The following TERB1 variants were observed in gnomAD, a reference collection of about 807,000 sequenced individuals.
TERB1 encodes the protein telomere repeat binding bouquet formation protein 1.
In TERB1, 63 loss-of-function variants were observed where a neutral mutation model predicts 92.3. The observed-to-expected ratio is 0.68, with a 90% confidence interval of 0.56 to 0.84. The LOEUF is 0.84. Among genes scored for constraint, TERB1 ranks in the 40% least tolerant of loss-of-function variants. The pLI, the probability that TERB1 is intolerant of heterozygous loss-of-function variation, is 0.00. For missense variants in TERB1, 709 were observed against 843.7 expected, an observed-to-expected ratio of 0.84 and a Z score of 1.98; for synonymous variants, 252 against 283.9, an observed-to-expected ratio of 0.89 and a Z score of 1.13.
intron 3 of TERB1, among the ~76,000 whole-genome samples, chr16:66,793,307 C>T (rs1048127181): frequency 6.7e-6 from 1 of 149,648 alleles, no homozygotes; most frequent in Non-Finnish European, 1.5e-5. Context: ...ACCTCTGCCT[C>T]CTAGGTTCAA....
chr16:66,784,748 ATT>A (rs34949570), intron 9 of TERB1, among the ~76,000 whole-genome samples: 2,810 of 117,674 alleles, frequency 0.024, 40 homozygotes, highest in South Asian at 0.1. Flanking sequence ...TTAATTTTTA[ATT>A]TTTTTTTTTT....
At chr16:66,769,588 T>C (rs1433543389) in intron 14 of TERB1, among the ~76,000 whole-genome samples, 5 of 152,174 alleles carry the variant, frequency 3.3e-5, no homozygotes, top group Non-Finnish European at 5.9e-5. Flanking sequence ...TTAAAAACAG[T>C]TTTTGCTATA....
chr16:66,755,242 G>A, intron 18 of TERB1, 79 bp from the exon 19 acceptor site: 1 of 843,360 alleles, frequency 1.2e-6, no homozygotes, highest in Non-Finnish European at 1.9e-6. Context: ...ATTTGGATAT[G>A]CTTAACTTAT....
intron 9 of TERB1, among the ~76,000 whole-genome samples, chr16:66,780,755 C>T (rs2018622471): frequency 6.6e-6 from 1 of 152,130 alleles, no homozygotes; most frequent in Non-Finnish European, 1.5e-5. Context: ...AGGGTAATGA[C>T]GTCCTATAAC....
chr16:66,759,215 T>C lies in TERB1; in HGVS notation c.1856A>G (p.Asp619Gly). Residue 619 changes from aspartate to glycine, a missense_variant, in exon 17 of 19, where the codon GAT (aspartate) becomes GGT (glycine). By Grantham distance (94) the Asp-to-Gly change is moderately conservative (BLOSUM62 -1). Transcript: ENST00000433154. The part of the protein sequence containing the change: ...KLLHSCPYQC[D>G]RHKVIVEAED... Reference sequence around the variant, plus strand: ...AGCTTCCACAATGACTTTGTGACGATCACATTGGTATGGGCAAGAGTGCAA... The same window carrying C: ...AGCTTCCACAATGACTTTGTGACGACCACATTGGTATGGGCAAGAGTGCAA... The C allele has an allele frequency of 6.4e-7, 1 of 1,551,202 alleles. No individual in the cohort carries two copies. Among genetic ancestry groups the C allele is most frequent in the Non-Finnish European group, 8.7e-7 (1 of 1,146,822 alleles).
At chr16:66,781,109 T>C (rs891297076) in intron 9 of TERB1, among the ~76,000 whole-genome samples, 21 of 152,330 alleles carry the variant, frequency 1.4e-4, no homozygotes, top group South Asian at 1.0e-3. Context: ...TGGAGTGCAG[T>C]AGCGTGATCG....
In TERB1 at chr16:66,769,115, GAAAAAGAAAAAGA is replaced by G. The variant is rs747827149; in HGVS notation, c.1619+835_1619+847del. On this transcript the variant is annotated intron_variant, in intron 14 of 18. Transcript: ENST00000433154. ...AGCGAAACTTTCTCAAAAAAAAAAA[GAAAAAGAAAAAGA>G]AAAAAGAAAAAGAAATATGGCTAAC... Among the ~76,000 whole-genome samples, 16 of 149,496 alleles carry G rather than the reference GAAAAAGAAAAAGA, an allele frequency of 1.1e-4. No individual in the cohort carries two copies. In the East Asian group the frequency reaches 2.4e-3, roughly 22 times the overall value.
At chr16:66,781,705 A>G (rs1264749995) in intron 9 of TERB1, among the ~76,000 whole-genome samples, 1 of 151,822 alleles carries the variant, frequency 6.6e-6, no homozygotes, top group Non-Finnish European at 1.5e-5. Context: ...TATTTTTAGG[A>G]GAGACGGGGT....
chr16:66,759,415 C>T (rs542220515), intron 16 of TERB1, 125 bp from the exon 17 acceptor site: 1 of 713,444 alleles, frequency 1.4e-6, no homozygotes, highest in South Asian at 2.2e-5. Context: ...CCTCAAGAAG[C>T]TCAAAATCAT....
At chr16:66,784,465 G>A (rs988066074) in intron 9 of TERB1, among the ~76,000 whole-genome samples, 7 of 151,480 alleles carry the variant, frequency 4.6e-5, no homozygotes, top group East Asian at 3.9e-4. Context: ...CCGAGTAGCC[G>A]GGATTACATG....
chr16:66,756,306 C>T (rs972471548), intron 18 of TERB1, among the ~76,000 whole-genome samples: 3 of 152,158 alleles, frequency 2.0e-5, no homozygotes, highest in African/African-American at 7.2e-5. Context: ...ACAGTTCAGA[C>T]CTTTTAAAAC....
intron 16 of TERB1, among the ~76,000 whole-genome samples, chr16:66,761,451 CAAA>C (rs376145995): frequency 9.3e-6 from 1 of 107,182 alleles, no homozygotes; most frequent in Admixed American, 1.1e-4. Context: ...GACTCTGTCT[CAAA>C]AAAAAAAAAA....
chr16:66,755,192 T>G, intron 18 of TERB1, 29 bp from the exon 19 acceptor site: 1 of 1,375,062 alleles, frequency 7.3e-7, no homozygotes, highest in South Asian at 1.3e-5. Flanking sequence ...AATATATTAG[T>G]ATTTGCTGAA....
At chr16:66,784,660 T>C (rs1048559602) in intron 9 of TERB1, among the ~76,000 whole-genome samples, 12 of 151,772 alleles carry the variant, frequency 7.9e-5, no homozygotes, top group African/African-American at 1.2e-4. Flanking sequence ...ACTTGAGACC[T>C]TTCTTCTTTT....
Position 66,788,248 on chromosome 16 carries a change from A to C in TERB1, c.321T>G (p.Thr107=). ...LCTSELFEDL[T]WFLSNDSNIN... ...TGTTTGAATCATTAGATAAGAACCA[A>C]GTTAAGTCTTCAAACAACTCTGAAG... is the stretch of plus-strand genomic sequence containing the variant. Residue 107 remains threonine (T), a synonymous_variant, in exon 6 of 19, where the codon ACT becomes ACG. Coordinates refer to ENST00000433154, the MANE Select transcript of TERB1 (RefSeq NM_001136505.2). 1 of 1,513,152 alleles carries C rather than the reference A, an allele frequency of 6.6e-7. No individual in the cohort carries two copies. The highest frequency in any genetic ancestry group is 2.4e-5 in the Admixed American group (1 of 42,266). The allele number at this position is 1,513,152 out of a possible 1,614,324, so 93.7% of individuals were successfully genotyped here. A position where few individuals can be genotyped will look rare whatever the true frequency, so the allele number is the denominator to read the frequency against.
intron 18 of TERB1, among the ~76,000 whole-genome samples, chr16:66,755,919 G>A (rs1197857287): frequency 6.6e-6 from 1 of 152,078 alleles, no homozygotes; most frequent in African/African-American, 2.4e-5. Flanking sequence ...AAGAATAAGG[G>A]TCTTTTGAAA....
rs186504387 is a variant in TERB1 at position 66,758,905 on chromosome 16, T to A, written c.1931-67A>T. 36 of 1,090,318 alleles carry A rather than the reference T, an allele frequency of 3.3e-5. No homozygotes were observed. In the African/African-American group the frequency reaches 3.3e-4, roughly 10 times the overall value. The allele number at this position is 1,090,318 out of a possible 1,614,324, so 67.5% of individuals were successfully genotyped here. On this transcript the variant is annotated intron_variant, in intron 17 of 18. Coordinates refer to ENST00000433154, the MANE Select transcript of TERB1 (RefSeq NM_001136505.2). ...TCTGAGTAATAGCATATCAATTCCA[T>A]TAGTATATTTCCTTTATTCCCCCGT...
intron 6 of TERB1, among the ~76,000 whole-genome samples, chr16:66,786,615 C>A (rs1176564362): frequency 6.6e-6 from 1 of 152,106 alleles, no homozygotes; most frequent in Admixed American, 6.6e-5. Flanking sequence ...CAAAATAAAA[C>A]AAAATCTAGA....
intron 2 of TERB1, among the ~76,000 whole-genome samples, chr16:66,800,400 T>TTTG (rs1176222534): frequency 2.7e-5 from 4 of 146,646 alleles, no homozygotes; most frequent in African/African-American, 9.9e-5. Context: ...AAGTTTTTTT[T>TTTG]TTTTTTTTTT....
Sources: allele counts gnomAD v4.1 joint callset (sites outside exome capture counted in the v4.1 genomes callset), GRCh38; gene constraint gnomAD v4.1.1; transcripts MANE v1.5; gene names NCBI Gene and HGNC (gene_info 2026-07-23, HGNC 2026-07-21).